Variants in TFCP2 observed in about 807,000 individuals in gnomAD.
TFCP2 encodes the protein transcription factor CP2.
In TFCP2, 33 loss-of-function variants were observed where a neutral mutation model predicts 73.4. The observed-to-expected ratio is 0.45, with a 90% CI of 0.34 to 0.60. The LOEUF is 0.60. TFCP2 is among the 20% of genes least tolerant of loss of function. TFCP2 has a pLI of 0.01. For synonymous variants in TFCP2, 193 were observed against 211.6 expected (o/e 0.91, Z 0.76); for missense variants, 352 against 604.0 (o/e 0.58, Z 4.37).
rs1029747487 is a variant in TFCP2 at position 51,136,266 on chromosome 12, G to A, written c.123-17494C>T. 9.4e-5 allele frequency among the ~76,000 whole-genome samples: 14 copies of A among 148,628 alleles called. No homozygotes were observed. The South Asian group carries it at 1.7e-3, about 18-fold the overall frequency. ...GGAGGTTGCAGTGAGCTGAGATCGC[G>A]CCATTGCACTCCAGCCAACAGTGTG... On this transcript the variant is annotated intron_variant, in intron 1 of 14. Transcript: ENST00000257915.
At chr12:51,119,763 T>A (rs986468833) in intron 1 of TFCP2, among the ~76,000 whole-genome samples, 17 of 148,462 alleles carry the variant, frequency 1.1e-4, no homozygotes, top group Admixed American at 6.7e-5. Flanking sequence ...AAAAAAAAAA[T>A]TAATTAAAAA....
chr12:51,172,269 G>C, intron 1 of TFCP2, 32 bp downstream of exon 1: 1 of 1,611,502 alleles, frequency 6.2e-7, no homozygotes. Context: ...TTGTTATTCA[G>C]AAGGTGTAGG....
chr12:51,095,095 C>T lies in TFCP2; in HGVS notation c.*146G>A. 3.5e-6 allele frequency: 3 copies of T among 862,812 alleles called. No homozygotes were observed. The highest frequency in any genetic ancestry group is 5.8e-6 in the Non-Finnish European group (3 of 517,320). 53.4% of individuals were successfully genotyped at this position (862,812 alleles called of 1,614,324 possible). On this transcript the variant is annotated 3_prime_UTR_variant, in exon 15 of 15. Transcript: ENST00000257915. ...TGGGCCAACACAGAGGGCCAGGATT[C>T]TGCCTCCATGGCCTGGACTCCTCCA...
At position 51,151,075 on chromosome 12, in the gene TFCP2, G is replaced by A. The variant is rs527278525; in HGVS notation, c.122+21226C>T. Among the ~76,000 whole-genome samples, 5 of 152,302 alleles carry A rather than the reference G, an allele frequency of 3.3e-5. No individual in the cohort carries two copies. In the South Asian group the frequency reaches 1.0e-3, roughly 32 times the overall value. ...AGGCCTCTCTGATAAAAAGACATGT[G>A]AGCAGAAACCTAAAGGAAGTAAGGA... On this transcript the variant is annotated intron_variant, in intron 1 of 14. Coordinates refer to ENST00000257915, the MANE Select transcript of TFCP2 (RefSeq NM_005653.5).
At chr12:51,150,363 A>G (rs1416397734) in intron 1 of TFCP2, among the ~76,000 whole-genome samples, 1 of 152,164 alleles carries the variant, frequency 6.6e-6, no homozygotes, top group Non-Finnish European at 1.5e-5. Context: ...GGTTGCAGTG[A>G]GCCGAGATTG....
chr12:51,157,669 G>GTT (rs1406683480), intron 1 of TFCP2, among the ~76,000 whole-genome samples: 4 of 112,666 alleles, frequency 3.6e-5, no homozygotes, highest in Admixed American at 9.7e-5. Flanking sequence ...AGTAATTTGA[G>GTT]TTTTTTCTTT....
rs1190548643 is a variant in TFCP2 at position 51,095,255 on chromosome 12, T to C, written c.1495A>G (p.Ile499Val). The stretch of plus-strand genomic sequence containing the variant: ...ACGCCGCACTCCTACTTCAGTATGA[T>C]ATGATAGCTATCATTGGTTTCTGCT... ...MKAETNDSYHIILK is the reference protein window; with the variant it reads ...MKAETNDSYHVILK The change falls in exon 15 of 15, where the codon ATC becomes GTC. Residue 499 changes from isoleucine to valine, a missense_variant. Physicochemically the swap from Ile to Val is conservative, Grantham distance 29. Transcript: ENST00000257915. 3 of 1,613,974 alleles carry C rather than the reference T, an allele frequency of 1.9e-6. No individual in the cohort carries two copies. The highest frequency in any genetic ancestry group is 2.2e-5 in the East Asian group (1 of 44,878).
intron 1 of TFCP2, among the ~76,000 whole-genome samples, chr12:51,136,791 T>C (rs1406628190): frequency 6.6e-6 from 1 of 152,106 alleles, no homozygotes; most frequent in African/African-American, 2.4e-5. Context: ...TAAAAAATAA[T>C]TAGCCGGCAT....
At position 51,133,297 on chromosome 12, in the gene TFCP2, T is replaced by C. The variant is rs149192907; in HGVS notation, c.123-14525A>G. On this transcript the variant is annotated intron_variant, in intron 1 of 14. Coordinates refer to ENST00000257915, the MANE Select transcript of TFCP2 (RefSeq NM_005653.5). ...CTTTTACTACACTGCCAATAAAATA[T>C]ACCTATTTTCACTCTCTCTTTTTTT... 4.6e-3 allele frequency among the ~76,000 whole-genome samples: 695 copies of C among 152,156 alleles called. 2 individuals are homozygous for C. Among genetic ancestry groups the C allele is most frequent in the Middle Eastern group, 0.034 (10 of 294 alleles).
At chr12:51,167,981 A>G (rs1941788860) in intron 1 of TFCP2, among the ~76,000 whole-genome samples, 1 of 152,102 alleles carries the variant, frequency 6.6e-6, no homozygotes, top group Non-Finnish European at 1.5e-5. Context: ...AGATCACTTG[A>G]GCCCAGGAGT....
At chr12:51,109,713 GA>G (rs1940346300) in intron 5 of TFCP2, among the ~76,000 whole-genome samples, 3 of 97,250 alleles carry the variant, frequency 3.1e-5, no homozygotes, top group Admixed American at 1.7e-4. Flanking sequence ...TAAGATTGGT[GA>G]ATTTTTTTTT....
At chr12:51,105,236 G>A (rs1189377329) in intron 8 of TFCP2, among the ~76,000 whole-genome samples, 2 of 152,084 alleles carry the variant, frequency 1.3e-5, no homozygotes, top group East Asian at 3.9e-4. Flanking sequence ...TGGGATTACA[G>A]GCGCCCGCCG....
chr12:51,119,999 T>G (rs1472434588), intron 1 of TFCP2, among the ~76,000 whole-genome samples: 1 of 150,602 alleles, frequency 6.6e-6, no homozygotes, highest in Non-Finnish European at 1.5e-5. Context: ...GCCAACATGG[T>G]GAAACCCTGT....
At chr12:51,101,172 G>GC (rs1159999572) in intron 11 of TFCP2, among the ~76,000 whole-genome samples, 1 of 152,112 alleles carries the variant, frequency 6.6e-6, no homozygotes, top group African/African-American at 2.4e-5. Context: ...GGGCATGGTG[G>GC]CAGGCGCCTG....
chr12:51,123,297 C>T (rs1294736853), intron 1 of TFCP2, among the ~76,000 whole-genome samples: 1 of 152,224 alleles, frequency 6.6e-6, no homozygotes, highest in East Asian at 1.9e-4. Flanking sequence ...TCTTGCTACA[C>T]CGCATTTCTT....
chr12:51,099,360 T>C (rs1019140555), intron 12 of TFCP2, among the ~76,000 whole-genome samples: 7 of 151,760 alleles, frequency 4.6e-5, no homozygotes, highest in African/African-American at 1.7e-4. Flanking sequence ...TAGCTTTAGT[T>C]CTAGCTACTC....
chr12:51,117,593 T>G (rs1940561580), intron 3 of TFCP2, 78 bp downstream of exon 3: 1 of 1,193,376 alleles, frequency 8.4e-7, no homozygotes, highest in African/African-American at 1.5e-5. Context: ...AAAAGAACAT[T>G]AACAACAACA....
At position 51,107,314 on chromosome 12, in the gene TFCP2, A is replaced by G. The variant is rs375194514; in HGVS notation, c.750T>C (p.Asp250=). ...PKGADRKQKT[D]REKMEKRTPH... is the part of the protein sequence containing the mutation. ...GTGTTCGTTTCTCCATTTTTTCCCTATCCGTTTTTTGCTTTCTGTCTGCAC... is the reference window on the plus strand; with the variant it reads ...GTGTTCGTTTCTCCATTTTTTCCCTGTCCGTTTTTTGCTTTCTGTCTGCAC... The change falls in exon 7 of 15, where the codon GAT becomes GAC. Residue 250 remains aspartate, a synonymous_variant. Transcript: ENST00000257915. 1.2e-6 allele frequency: 2 copies of G among 1,612,870 alleles called. No homozygotes were observed. Among genetic ancestry groups the G allele is most frequent in the Non-Finnish European group, 1.7e-6 (2 of 1,179,760 alleles).
At chr12:51,159,178 CAAAAAAAAAAGAAAAAGA>C (rs1175190025) in intron 1 of TFCP2, among the ~76,000 whole-genome samples, 5 of 120,534 alleles carry the variant, frequency 4.1e-5, no homozygotes, top group Admixed American at 1.8e-4. Flanking sequence ...GACTCTGTCT[CAAAAAAAAAAGAAAAAGA>C]AAAAAAAAAA....
Sources: gnomAD v4.1 joint callset for allele counts (sites outside exome capture counted in the v4.1 genomes callset) on GRCh38, gnomAD v4.1.1 for gene constraint, MANE v1.5 for transcripts, NCBI Gene and HGNC (gene_info 2026-07-23, HGNC 2026-07-21) for gene names.